Variants in NRXN3 observed in about 807,000 individuals in gnomAD.
NRXN3 encodes neurexin III.
In NRXN3, 32 loss-of-function variants were observed where a neutral mutation model predicts 137.6. The observed-to-expected ratio is 0.23, with a 90% confidence interval of 0.18 to 0.31. The LOEUF is 0.31. Ranked by LOEUF, NRXN3 falls within the 10% of genes least tolerant of loss-of-function variation. The pLI is 1.00. For missense variants in NRXN3, 1,574 were observed against 2,062.5 expected (o/e 0.76, Z 4.59); for synonymous variants, 798 against 784.5 (o/e 1.02, Z -0.29).
intron 8 of NRXN3, among the ~76,000 whole-genome samples, chr14:78,728,638 C>T (rs1435086189): frequency 6.6e-6 from 1 of 152,120 alleles, no homozygotes; most frequent in Non-Finnish European, 1.5e-5. Context: ...TGGCTCATGC[C>T]TGTAATCCCA....
At position 78,314,247 on chromosome 14, in the gene NRXN3, G is replaced by A. The variant is rs912133365; in HGVS notation, c.757+16387G>A. Among the ~76,000 whole-genome samples, 9 of 152,134 alleles carry A rather than the reference G, an allele frequency of 5.9e-5. No individual in the cohort carries two copies. In the East Asian group the frequency reaches 1.3e-3, roughly 23 times the overall value. ...ACTTCATCCTAAAATCCAGAAGAGTGGGTTGAAAATGGGGGAAAAACAGGG... is the reference window on the plus strand; with the variant it reads ...ACTTCATCCTAAAATCCAGAAGAGTAGGTTGAAAATGGGGGAAAAACAGGG... On this transcript the variant is annotated intron_variant, in intron 4 of 20. Coordinates refer to ENST00000335750, the MANE Select transcript of NRXN3 (RefSeq NM_001330195.2).
intron 15 of NRXN3, among the ~76,000 whole-genome samples, chr14:79,151,547 G>A (rs773465157): frequency 4.6e-5 from 7 of 152,020 alleles, no homozygotes; most frequent in African/African-American, 7.2e-5. Context: ...CTTGGACTTG[G>A]TGCTGTCCTG....
chr14:79,201,198 C>T (rs1262231805), intron 15 of NRXN3: 1 of 152,024 alleles, frequency 6.6e-6, no homozygotes, highest in Non-Finnish European at 1.5e-5. Context: ...CTCTGTGCAT[C>T]CTTTGTATCC....
chr14:78,519,690 ACTGT>A (rs1478953052), intron 4 of NRXN3, among the ~76,000 whole-genome samples: 2 of 152,142 alleles, frequency 1.3e-5, no homozygotes, highest in African/African-American at 4.8e-5. Context: ...TTAGCAACTA[ACTGT>A]CTAAGATGAT....
chr14:78,354,106 G>C (rs1215118338), intron 4 of NRXN3, among the ~76,000 whole-genome samples: 1 of 152,150 alleles, frequency 6.6e-6, no homozygotes, highest in East Asian at 1.9e-4. Flanking sequence ...CAAAAGGAAA[G>C]CTACTATTAA....
intron 15 of NRXN3, among the ~76,000 whole-genome samples, chr14:79,038,019 C>T (rs2152519103): frequency 6.6e-6 from 1 of 152,114 alleles, no homozygotes; most frequent in South Asian, 2.1e-4. Context: ...GATTCCAAAT[C>T]CTGGACAAGT....
chr14:79,130,702 T>C (rs2057337859), intron 15 of NRXN3, among the ~76,000 whole-genome samples: 1 of 152,182 alleles, frequency 6.6e-6, no homozygotes, highest in Non-Finnish European at 1.5e-5. Context: ...GTTCTCTGTA[T>C]TTCCTGAATC....
intron 15 of NRXN3, among the ~76,000 whole-genome samples, chr14:79,045,706 T>C (rs1213729101): frequency 6.6e-6 from 1 of 152,216 alleles, no homozygotes; most frequent in African/African-American, 2.4e-5. Flanking sequence ...TGAATGATAC[T>C]CCTATAGGAA....
intron 8 of NRXN3, among the ~76,000 whole-genome samples, chr14:78,721,294 G>A (rs549211712): frequency 3.3e-5 from 5 of 152,126 alleles, no homozygotes; most frequent in Non-Finnish European, 7.4e-5. Flanking sequence ...TCTGCGTTAT[G>A]GCTGTGCCCT....
At chr14:78,749,922 G>T (rs973201312) in intron 8 of NRXN3, among the ~76,000 whole-genome samples, 1 of 152,204 alleles carries the variant, frequency 6.6e-6, no homozygotes, top group Non-Finnish European at 1.5e-5. Flanking sequence ...AAAATCCCCT[G>T]CAGATGTGAA....
intron 15 of NRXN3, among the ~76,000 whole-genome samples, chr14:79,445,849 G>A (rs1342214623): frequency 1.3e-5 from 2 of 152,142 alleles, no homozygotes; most frequent in African/African-American, 4.8e-5. Flanking sequence ...GTTGTAAAGA[G>A]TTTCATTTCA....
intron 20 of NRXN3, among the ~76,000 whole-genome samples, chr14:79,808,240 TA>T (rs35474581): frequency 0.37 from 45,617 of 123,726 alleles, 9,201 homozygotes; most frequent in East Asian, 0.59. Flanking sequence ...CTCTCTCAAT[TA>T]AAAAAAAAAA....
chr14:78,579,214 A>G lies in NRXN3; in HGVS notation c.758-65906A>G, dbSNP rs2096966964. 1.3e-5 allele frequency among the ~76,000 whole-genome samples: 2 copies of G among 152,208 alleles called. 1 individual carries two copies. The highest frequency in any genetic ancestry group is 4.1e-4 in the South Asian group (2 of 4,828). On this transcript the variant is annotated intron_variant, in intron 4 of 20. Transcript: ENST00000335750. ...CTGCACCTGGATGCCTTCTACTAGT[A>G]TGACATACTTAAAAGTATCTTGGAT...
intron 15 of NRXN3, among the ~76,000 whole-genome samples, chr14:79,055,828 G>T (rs2152616964): frequency 6.6e-6 from 1 of 152,242 alleles, no homozygotes; most frequent in Middle Eastern, 3.4e-3. Flanking sequence ...TGGAGACAGT[G>T]CAGGTCAATT....
intron 15 of NRXN3, among the ~76,000 whole-genome samples, chr14:79,166,529 C>A (rs1027841887): frequency 6.7e-6 from 1 of 149,628 alleles, no homozygotes; most frequent in South Asian, 2.1e-4. Flanking sequence ...TGAAAATGCT[C>A]ATTTTTTGTT....
At chr14:79,233,574 C>G (rs907719658) in intron 15 of NRXN3, among the ~76,000 whole-genome samples, 30 of 152,014 alleles carry the variant, frequency 2.0e-4, no homozygotes, top group Admixed American at 1.9e-3. Context: ...TTTAGAGAAA[C>G]TTGGTCATAT....
chr14:79,455,455 C>G (rs1165889203), intron 15 of NRXN3, among the ~76,000 whole-genome samples: 1 of 152,122 alleles, frequency 6.6e-6, no homozygotes, highest in Non-Finnish European at 1.5e-5. Context: ...TATCTCTTAT[C>G]TTAAAAGTTA....
rs1469619866 is a variant in NRXN3 at position 79,800,707 on chromosome 14, G to A, written c.4015-4405G>A. Among the ~76,000 whole-genome samples, 3 of 152,052 alleles carry A rather than the reference G, an allele frequency of 2.0e-5. 1 individual carries two copies. The South Asian group carries it at 6.2e-4, about 32-fold the overall frequency. Reference sequence around the variant, plus strand: ...AAAGAAGTGTGCCTTTTCTTTCAAGGTTCAACATCAGATCCTGCATTTGCT... The same window carrying A: ...AAAGAAGTGTGCCTTTTCTTTCAAGATTCAACATCAGATCCTGCATTTGCT... On this transcript the variant is annotated intron_variant, in intron 19 of 20. Transcript: ENST00000335750.
intron 15 of NRXN3, among the ~76,000 whole-genome samples, chr14:79,229,423 A>G (rs1167249559): frequency 1.3e-5 from 2 of 152,206 alleles, no homozygotes; most frequent in Non-Finnish European, 2.9e-5. Context: ...GTAAAGTGCC[A>G]TCCAACTCTA....
Sources: gnomAD v4.1 joint callset for allele counts (sites outside exome capture counted in the v4.1 genomes callset) on GRCh38, gnomAD v4.1.1 for gene constraint, MANE v1.5 for transcripts, NCBI Gene and HGNC (gene_info 2026-07-23, HGNC 2026-07-21) for gene names.